Variants in ZNF875 observed in about 807,000 individuals in gnomAD.
ZNF875 encodes the protein zinc finger protein 875.
Under a neutral mutation model 11.2 loss-of-function variants are expected in ZNF875, and 14 were observed. The ratio of observed to expected loss-of-function variants is 1.26; its 90% CI spans 0.83 to 1.96. ZNF875 has a LOEUF of 1.96. Among genes scored for constraint, ZNF875 ranks in the 30% most tolerant of loss-of-function variants. The pLI, the probability that ZNF875 is intolerant of heterozygous loss-of-function variation, is 0.00. For missense variants in ZNF875, 752 were observed against 760.4 expected, an observed-to-expected ratio of 0.99 and a Z score of 0.13; for synonymous variants, 301 against 281.1, an observed-to-expected ratio of 1.07 and a Z score of -0.71.
chr19:37,332,896 G>A (rs1163024693), upstream of ZNF875, among the ~76,000 whole-genome samples: 1 of 152,128 alleles, frequency 6.6e-6, no homozygotes, highest in African/African-American at 2.4e-5. Flanking sequence ...AATGACAAGT[G>A]GTTCAGATTT....
upstream of ZNF875, among the ~76,000 whole-genome samples, chr19:37,330,587 T>G (rs1351938897): frequency 6.6e-6 from 1 of 152,200 alleles, no homozygotes; most frequent in Non-Finnish European, 1.5e-5. Context: ...GTTGGTTTTC[T>G]AACCTGAAGG....
rs561506730 is a variant in ZNF875 at position 37,362,158 on chromosome 19, C to T, written c.306C>T (p.Ser102=). The part of the protein sequence containing the change: ...QLSPSCPLIF[S]SQQALSQHVW... Reference sequence around the variant, plus strand: ...GTCCCTCCTGCCCTCTGATTTTCTCCAGTCAGCAAGCTCTCAGCCAACATG... The same window carrying T: ...GTCCCTCCTGCCCTCTGATTTTCTCTAGTCAGCAAGCTCTCAGCCAACATG... Residue 102 remains serine (S), a synonymous_variant, in exon 5 of 5, where the codon TCC becomes TCT. Coordinates refer to ENST00000392153, the MANE Select transcript of ZNF875 (RefSeq NM_001353803.2). 35 of 1,614,060 alleles carry T rather than the reference C, an allele frequency of 2.2e-5. No homozygotes were observed. The South Asian group carries it at 2.7e-4, about 13-fold the overall frequency.
chr19:37,317,853 C>T (rs2030345445), upstream of ZNF875: 1 of 152,732 alleles, frequency 6.5e-6, no homozygotes, highest in African/African-American at 2.4e-5. Flanking sequence ...ATCGCGTTTC[C>T]CATTGGTCGC....
At chr19:37,359,506 C>G in intron 4 of ZNF875, 1 of 272,538 alleles carries the variant, frequency 3.7e-6, no homozygotes, top group Non-Finnish European at 7.5e-6. Context: ...TGGGTTCAAG[C>G]AATTCCCCTG....
upstream of ZNF875, among the ~76,000 whole-genome samples, chr19:37,332,391 A>G (rs1277963528): frequency 6.6e-6 from 1 of 151,996 alleles, no homozygotes; most frequent in African/African-American, 2.4e-5. Flanking sequence ...TAATTTTTGT[A>G]TTTTTAATAG....
intron 2 of ZNF875, chr19:37,322,328 C>T (rs934921233): frequency 2.0e-5 from 3 of 152,218 alleles, no homozygotes; most frequent in Non-Finnish European, 2.9e-5. Flanking sequence ...TGGATATTCT[C>T]ATAGATTCTC....
chr19:37,324,666 G>T (rs938127260), intron 4 of ZNF875: 4 of 152,214 alleles, frequency 2.6e-5, no homozygotes, highest in African/African-American at 9.7e-5. Flanking sequence ...TCCTTCAGGA[G>T]GATTAAACTG....
chr19:37,363,906 T>C lies in ZNF875; in HGVS notation c.*131T>C, dbSNP rs575386244. 6 of 701,630 alleles carry C rather than the reference T, an allele frequency of 8.6e-6. No homozygotes were observed. Among genetic ancestry groups the C allele is most frequent in the Non-Finnish European group, 1.5e-5 (6 of 406,192 alleles). The allele number at this position is 701,630 out of a possible 1,614,324, so 43.5% of individuals were successfully genotyped here. ...GATACCAAAGTGGAGACATTCTGTGTGTGATTATGCATGAGACTGTACTGG... is the reference window on the plus strand; with the variant it reads ...GATACCAAAGTGGAGACATTCTGTGCGTGATTATGCATGAGACTGTACTGG... On this transcript the variant is annotated 3_prime_UTR_variant, in exon 5 of 5. Transcript: ENST00000392153.
At chr19:37,340,005 G>A (rs1164866559) in intron 2 of ZNF875, among the ~76,000 whole-genome samples, 1 of 151,472 alleles carries the variant, frequency 6.6e-6, no homozygotes, top group Non-Finnish European at 1.5e-5. Context: ...TTTTTGAGAT[G>A]GAGTTTCATT....
At chr19:37,353,115 C>T (rs2038228209) in intron 4 of ZNF875, among the ~76,000 whole-genome samples, 1 of 152,152 alleles carries the variant, frequency 6.6e-6, no homozygotes, top group Non-Finnish European at 1.5e-5. Context: ...CTCAAGTGAT[C>T]TGCCTGCCTC....
At position 37,363,420 on chromosome 19, in the gene ZNF875, C is replaced by T; in HGVS notation, c.1568C>T (p.Ser523Leu). The T allele has an allele frequency of 6.2e-7, 1 of 1,613,678 alleles. No individual in the cohort carries two copies. Among genetic ancestry groups the T allele is most frequent in the East Asian group, 2.2e-5 (1 of 44,794 alleles). ...TTTAATGATAAGTCCACCCTCATTTCACACCAGAGGACACATTCAGGGGAA... is the reference window on the plus strand; with the variant it reads ...TTTAATGATAAGTCCACCCTCATTTTACACCAGAGGACACATTCAGGGGAA... ...RGFNDKSTLI[S>L]HQRTHSGEKP... The change falls in exon 5 of 5, where the codon TCA (serine) becomes TTA (leucine). Residue 523 changes from serine to leucine, a missense_variant. Physicochemically the swap from Ser to Leu is moderately radical, Grantham distance 145. Coordinates refer to ENST00000392153, the MANE Select transcript of ZNF875 (RefSeq NM_001353803.2).
At position 37,364,040 on chromosome 19, in the gene ZNF875, TAGTGGCAGGAGG is replaced by T; in HGVS notation, c.*266_*277del. On this transcript the variant is annotated 3_prime_UTR_variant, in exon 5 of 5. Transcript: ENST00000392153. ...TTGTGGAAACCCGGTCAGGTAATGA[TAGTGGCAGGAGG>T]CAGTCAAATGCCCAGGCAGATAGGG... The T allele has an allele frequency of 2.3e-6, 1 of 434,896 alleles. No homozygotes were observed. Among genetic ancestry groups the T allele is most frequent in the South Asian group, 3.3e-5 (1 of 30,010 alleles). The allele number at this position is 434,896 out of a possible 1,614,324, so 26.9% of individuals were successfully genotyped here. A position where few individuals can be genotyped will look rare whatever the true frequency, so the allele number is the denominator to read the frequency against.
chr19:37,363,609 A>C lies in ZNF875; in HGVS notation c.1757A>C (p.Lys586Thr). The C allele has an allele frequency of 6.2e-7, 1 of 1,613,736 alleles. No individual in the cohort carries two copies. Among genetic ancestry groups the C allele is most frequent in the East Asian group, 2.2e-5 (1 of 44,846 alleles). ...IKHQRAHAGGKPHVCRECGQG... is the reference protein window; with the variant it reads ...IKHQRAHAGGTPHVCRECGQG... The stretch of plus-strand genomic sequence containing the variant: ...CACCAGAGAGCACACGCAGGGGGGA[A>C]GCCTCATGTGTGCAGGGAGTGTGGG... Residue 586 changes from lysine to threonine, a missense_variant, in exon 5 of 5, where the codon AAG (lysine) becomes ACG (threonine). Physicochemically the swap from Lys to Thr is moderately conservative, Grantham distance 78. Transcript: ENST00000392153.
chr19:37,339,242 T>G (rs994259201), intron 2 of ZNF875, among the ~76,000 whole-genome samples: 6 of 151,818 alleles, frequency 4.0e-5, no homozygotes, highest in Non-Finnish European at 7.4e-5. Context: ...CATAATGGAG[T>G]AAAGTTACTG....
At chr19:37,317,121 C>T (rs1188917769), upstream of ZNF875, 3 of 149,110 alleles carry the variant, frequency 2.0e-5, no homozygotes, top group African/African-American at 7.4e-5. Context: ...ATTACAGGCG[C>T]ACGCCACCAC....
chr19:37,319,973 G>A (rs1358623744), intron 1 of ZNF875, among the ~76,000 whole-genome samples: 1 of 152,098 alleles, frequency 6.6e-6, no homozygotes, highest in East Asian at 1.9e-4. Flanking sequence ...TGCAAGCTCC[G>A]CCTCCTGGGG....
chr19:37,331,774 G>T (rs1356331679), upstream of ZNF875, among the ~76,000 whole-genome samples: 1 of 139,700 alleles, frequency 7.2e-6, no homozygotes, highest in African/African-American at 2.5e-5. Flanking sequence ...CTCGTGGGAA[G>T]GGAAAGACCT....
In ZNF875 at chr19:37,362,485, A is replaced by G; in HGVS notation, c.633A>G (p.Thr211=). 1 of 1,614,248 alleles carries G rather than the reference A, an allele frequency of 6.2e-7. No homozygotes were observed. The highest frequency in any genetic ancestry group is 8.5e-7 in the Non-Finnish European group (1 of 1,180,040). The change falls in exon 5 of 5, where the codon ACA becomes ACG. Residue 211 remains threonine (T), a synonymous_variant. Coordinates refer to ENST00000392153, the MANE Select transcript of ZNF875 (RefSeq NM_001353803.2). The part of the protein sequence containing the change: ...SPERRADLEE[T]DKVLHGLEVS... ...AACGGAGGGCAGATCTAGAGGAAAC[A>G]GACAAAGTATTGCATGGTTTAGAAG... is the stretch of plus-strand genomic sequence containing the variant.
chr19:37,330,161 A>G (rs1029323455), upstream of ZNF875, among the ~76,000 whole-genome samples: 1 of 152,180 alleles, frequency 6.6e-6, no homozygotes, highest in African/African-American at 2.4e-5. Flanking sequence ...TAAATTGTAT[A>G]TATTTATGGG....
Sources: gnomAD v4.1 joint callset for allele counts (sites outside exome capture counted in the v4.1 genomes callset) on GRCh38, gnomAD v4.1.1 for gene constraint, MANE v1.5 for transcripts, NCBI Gene and HGNC (gene_info 2026-07-23, HGNC 2026-07-21) for gene names.